KCNJ6: variants seen among roughly 807,000 people sequenced by gnomAD.
KCNJ6 encodes the protein G protein-activated inward rectifier potassium channel 2.
Under a neutral mutation model 34.2 loss-of-function variants are expected in KCNJ6, and 9 were observed. The observed-to-expected ratio is 0.26, with a 90% confidence interval of 0.16 to 0.46. The LOEUF is 0.46. Among genes scored for constraint, KCNJ6 ranks in the 20% least tolerant of loss-of-function variants. The pLI is 1.00. For synonymous variants in KCNJ6, 196 were observed against 207.1 expected (o/e 0.95, Z 0.46); for missense variants, 236 against 531.3 (o/e 0.44, Z 5.46).
chr21:37,879,563 C>G (rs926917945), intron 1 of KCNJ6, among the ~76,000 whole-genome samples: 15 of 152,098 alleles, frequency 9.9e-5, no homozygotes, highest in African/African-American at 3.6e-4. Flanking sequence ...GAGATCATGT[C>G]CAGGTACAGA....
At chr21:37,788,081 C>T (rs1314784309) in intron 2 of KCNJ6, among the ~76,000 whole-genome samples, 1 of 152,216 alleles carries the variant, frequency 6.6e-6, no homozygotes, top group African/African-American at 2.4e-5. Flanking sequence ...TCTGTTATTG[C>T]TGAAGGCATT....
At chr21:37,703,663 G>A (rs902447084) in intron 3 of KCNJ6, among the ~76,000 whole-genome samples, 6 of 152,122 alleles carry the variant, frequency 3.9e-5, no homozygotes, top group African/African-American at 7.2e-5. Context: ...AACACCCTCC[G>A]TGCCCCCTCT....
chr21:37,816,429 C>T (rs8128418), intron 2 of KCNJ6, among the ~76,000 whole-genome samples: 11,513 of 152,244 alleles, frequency 0.076, 493 homozygotes, highest in Middle Eastern at 0.12. Context: ...AGTTATTACA[C>T]GTGAGTACAT....
chr21:37,779,651 T>C (rs1306166720), intron 2 of KCNJ6, among the ~76,000 whole-genome samples: 4 of 152,180 alleles, frequency 2.6e-5, no homozygotes, highest in Non-Finnish European at 5.9e-5. Flanking sequence ...AATTGGCTGG[T>C]CCCAGGAGCC....
chr21:37,713,940 G>A (rs1245958585), intron 3 of KCNJ6, among the ~76,000 whole-genome samples: 1 of 152,014 alleles, frequency 6.6e-6, no homozygotes, highest in Non-Finnish European at 1.5e-5. Flanking sequence ...TTTAATTTAG[G>A]TAAATATTTG....
rs1234159326 is a variant in KCNJ6 at position 37,906,133 on chromosome 21, A to G, written c.-28+9751T>C. The stretch of plus-strand genomic sequence containing the variant: ...GATGGATTAACTATAATTCCAAAAT[A>G]CTAAGCAGTTTATTTAAATAACCTG... On this transcript the variant is annotated intron_variant, in intron 1 of 3. Transcript: ENST00000609713. Among the ~76,000 whole-genome samples the G allele has an allele frequency of 2.6e-5, 4 of 152,264 alleles. No individual in the cohort carries two copies. In the South Asian group the frequency reaches 6.2e-4, roughly 24 times the overall value.
In KCNJ6 at chr21:37,714,560, C is replaced by T. The variant is rs1169476911; in HGVS notation, c.597G>A (p.Arg199=). ...GGGTGGAAAAGACCAGGGTCTCTGC[C>T]CTCTTCTTGGGTTGAGAGATTTTTA... The part of the protein sequence containing the change: ...MFVKISQPKK[R]AETLVFSTHA... The change falls in exon 3 of 4, where the codon AGG becomes AGA. Residue 199 remains arginine, a synonymous_variant. Transcript: ENST00000609713. This position sits in a 1 kb window ranked among gnomAD's most constrained non-coding sequence, Gnocchi z 5.9. 6.2e-7 allele frequency: 1 copy of T among 1,614,014 alleles called. No individual in the cohort carries two copies. The highest frequency in any genetic ancestry group is 1.7e-5 in the Admixed American group (1 of 60,000).
At chr21:37,838,722 T>C (rs2055464268) in intron 2 of KCNJ6, among the ~76,000 whole-genome samples, 1 of 152,224 alleles carries the variant, frequency 6.6e-6, no homozygotes, top group Admixed American at 6.5e-5. Flanking sequence ...GAAGAGCACA[T>C]TTCATCACTT....
intron 3 of KCNJ6, among the ~76,000 whole-genome samples, chr21:37,664,650 A>G (rs1259764519): frequency 1.3e-5 from 2 of 152,174 alleles, no homozygotes; most frequent in East Asian, 1.9e-4. Flanking sequence ...GAATAGTCCT[A>G]TAACTATTAA....
At chr21:37,703,842 C>G (rs1452046889) in intron 3 of KCNJ6, among the ~76,000 whole-genome samples, 2 of 152,066 alleles carry the variant, frequency 1.3e-5, no homozygotes, top group Non-Finnish European at 2.9e-5. Context: ...ACAGGGAACT[C>G]AAAGTACCCA....
intron 3 of KCNJ6, among the ~76,000 whole-genome samples, chr21:37,628,875 C>A (rs857976): frequency 0.71 from 107,921 of 152,060 alleles, 38,474 homozygotes; most frequent in East Asian, 0.83. Flanking sequence ...GCCAGAAGGC[C>A]ATGAGAAGAC....
chr21:37,639,066 A>C (rs1039679803), intron 3 of KCNJ6, among the ~76,000 whole-genome samples: 1 of 152,234 alleles, frequency 6.6e-6, no homozygotes, highest in Non-Finnish European at 1.5e-5. Context: ...ATGTACCAGT[A>C]GGTGATGGAC....
rs146116610 is a variant in KCNJ6, at chr21:37,803,616, T to C, written c.25+37042A>G. Among the ~76,000 whole-genome samples the C allele has an allele frequency of 2.7e-3, 415 of 152,328 alleles. 1 individual carries two copies. The highest frequency in any genetic ancestry group is 9.5e-3 in the African/African-American group (397 of 41,578). On this transcript the variant is annotated intron_variant, in intron 2 of 3. Transcript: ENST00000609713. ...CAGACGTCACCACTGTCACTGACCA[T>C]TATTCCCTCAAATTGGCAGAGAAGT...
At chr21:37,683,955 T>C (rs1195228727) in intron 3 of KCNJ6, among the ~76,000 whole-genome samples, 1 of 152,184 alleles carries the variant, frequency 6.6e-6, no homozygotes. Context: ...GTGACCACGT[T>C]TGGTGAGCCT....
At chr21:37,895,109 T>A (rs946863725) in intron 1 of KCNJ6, among the ~76,000 whole-genome samples, 1 of 152,192 alleles carries the variant, frequency 6.6e-6, no homozygotes, top group African/African-American at 2.4e-5. Context: ...TGACATATGC[T>A]AAGCAGGGGA....
intron 3 of KCNJ6, among the ~76,000 whole-genome samples, chr21:37,688,941 C>G (rs2054627364): frequency 6.6e-6 from 1 of 151,936 alleles, no homozygotes; most frequent in South Asian, 2.1e-4. Flanking sequence ...GAATATAATT[C>G]TATTGTAGTA....
intron 3 of KCNJ6, among the ~76,000 whole-genome samples, chr21:37,699,418 G>A (rs1448188498): frequency 6.6e-6 from 1 of 152,160 alleles, no homozygotes; most frequent in Non-Finnish European, 1.5e-5. Context: ...TAGGGATAGA[G>A]CATTTTTTAT....
intron 3 of KCNJ6, among the ~76,000 whole-genome samples, chr21:37,676,609 G>A (rs1344044838): frequency 6.6e-6 from 1 of 152,236 alleles, no homozygotes; most frequent in East Asian, 1.9e-4. Context: ...CCAGCTTGGG[G>A]AGGTAGCAAG....
At chr21:37,743,148 C>G (rs2123477575) in intron 2 of KCNJ6, among the ~76,000 whole-genome samples, 1 of 152,306 alleles carries the variant, frequency 6.6e-6, no homozygotes, top group Admixed American at 6.5e-5. Flanking sequence ...GCTTTCATGT[C>G]TCTTCCCTGA....
Sources: gnomAD v4.1 joint callset for allele counts (sites outside exome capture counted in the v4.1 genomes callset) on GRCh38, gnomAD v4.1.1 for gene constraint, Gnocchi (gnomAD v3.1) non-coding constraint, MANE v1.5 for transcripts, NCBI Gene and HGNC (gene_info 2026-07-23, HGNC 2026-07-21) for gene names.